Variants in MALRD1 observed in about 807,000 individuals in gnomAD.
The protein encoded by MALRD1 is MAM and LDL receptor class A domain containing 1, also known as MAM and LDL-receptor class A domain-containing protein 1.
MALRD1 carries 247 observed loss-of-function variants against 242.1 expected under a neutral mutation model. The ratio of observed to expected loss-of-function variants is 1.02; its 90% CI spans 0.92 to 1.13. The LOEUF is 1.13. MALRD1 is among the 50% of genes most tolerant of loss of function. The probability of loss-of-function intolerance (pLI) is 0.00; values close to 1 mark genes in which losing one functional copy is unlikely to be tolerated. For synonymous variants in MALRD1, 995 were observed against 866.6 expected (o/e 1.15, Z -2.60); for missense variants, 2,989 against 2,533.1 (o/e 1.18, Z -3.86).
intron 38 of MALRD1, among the ~76,000 whole-genome samples, chr10:19,717,384 C>T (rs1475006166): frequency 1.3e-5 from 2 of 152,140 alleles, no homozygotes; most frequent in African/African-American, 2.4e-5. Context: ...ACTGACTTTA[C>T]TGGCAGCAGA....
chr10:19,398,346 C>A (rs1475327958), intron 28 of MALRD1, among the ~76,000 whole-genome samples: 2 of 151,754 alleles, frequency 1.3e-5, no homozygotes, highest in African/African-American at 4.8e-5. Flanking sequence ...AAATTAATAC[C>A]AATTATTAAA....
At chr10:19,543,366 C>A (rs1292672316) in intron 32 of MALRD1, among the ~76,000 whole-genome samples, 2 of 151,050 alleles carry the variant, frequency 1.3e-5, no homozygotes, top group African/African-American at 4.9e-5. Flanking sequence ...CAGGCTCAAG[C>A]AATTCTCTGG....
At chr10:19,491,455 A>C in intron 29 of MALRD1, 62 bp from the exon 30 acceptor site, 1 of 1,516,740 alleles carries the variant, frequency 6.6e-7, no homozygotes, top group South Asian at 1.2e-5. Flanking sequence ...ACCTAACAGG[A>C]ATCTTCAAGT....
At chr10:19,070,719 T>A (rs1835118355) in intron 2 of MALRD1, among the ~76,000 whole-genome samples, 1 of 152,074 alleles carries the variant, frequency 6.6e-6, no homozygotes, top group Admixed American at 6.6e-5. Context: ...CGTATAATTT[T>A]GAATTTTATC....
chr10:19,384,882 G>A (rs1276145814), intron 26 of MALRD1, among the ~76,000 whole-genome samples: 3 of 150,980 alleles, frequency 2.0e-5, no homozygotes, highest in South Asian at 2.1e-4. Flanking sequence ...TTACTGTTGA[G>A]TGTGATGTTT....
chr10:19,510,884 C>T (rs1302668952), intron 31 of MALRD1, among the ~76,000 whole-genome samples: 1 of 152,186 alleles, frequency 6.6e-6, no homozygotes, highest in Non-Finnish European at 1.5e-5. Context: ...TGAATTCTTG[C>T]AGATTAGTTT....
intron 28 of MALRD1, among the ~76,000 whole-genome samples, chr10:19,399,849 T>A (rs1206631064): frequency 6.6e-6 from 1 of 152,198 alleles, no homozygotes; most frequent in Non-Finnish European, 1.5e-5. Flanking sequence ...TGATAATCTG[T>A]TGTGACAATA....
At chr10:19,559,267 AT>A in intron 32 of MALRD1, among the ~76,000 whole-genome samples, 1 of 151,972 alleles carries the variant, frequency 6.6e-6, no homozygotes, top group South Asian at 2.1e-4. Context: ...TTCTTTTGTC[AT>A]TTTCAATATT....
At chr10:19,248,722 G>A (rs999945336) in intron 18 of MALRD1, among the ~76,000 whole-genome samples, 1 of 151,372 alleles carries the variant, frequency 6.6e-6, no homozygotes. Context: ...ATGGGCCTAT[G>A]GATGAGTTAT....
intron 26 of MALRD1, among the ~76,000 whole-genome samples, chr10:19,362,786 A>C (rs1340514725): frequency 6.6e-6 from 1 of 152,160 alleles, no homozygotes; most frequent in African/African-American, 2.4e-5. Context: ...ATTTCAGAAT[A>C]ACCAGGTAAG....
upstream of MALRD1, among the ~76,000 whole-genome samples, chr10:19,047,122 CT>C (rs1801758040): frequency 6.6e-6 from 1 of 152,074 alleles, no homozygotes; most frequent in Non-Finnish European, 1.5e-5. Flanking sequence ...CAGAAACATG[CT>C]GAGATGAGAA....
At chr10:19,366,270 G>C (rs2130725902) in intron 26 of MALRD1, among the ~76,000 whole-genome samples, 1 of 151,570 alleles carries the variant, frequency 6.6e-6, no homozygotes, top group African/African-American at 2.4e-5. Flanking sequence ...AGATCATCAG[G>C]CATTAGGTTC....
At chr10:19,661,789 A>T (rs190610407) in intron 36 of MALRD1, among the ~76,000 whole-genome samples, 240 of 152,234 alleles carry the variant, frequency 1.6e-3, no homozygotes, top group Admixed American at 9.5e-3. Context: ...TATAATTTTA[A>T]AAAAAAAGAA....
Position 19,389,479 on chromosome 10 carries a change from C to T in MALRD1, c.4715C>T (p.Ala1572Val), listed in dbSNP as rs1846241682. The change falls in exon 28 of 40, where the codon GCA becomes GTA. Residue 1572 changes from alanine (A) to valine (V), a missense_variant. Ala to Val is a moderately conservative substitution (Grantham distance 64). Transcript: ENST00000454679. ...CACTTCATGTATCTGGAAGCTACTG[C>T]AGTGGGCCTTCGGGGTGACAAAGCA... ...NGHFMYLEATAVGLRGDKAHF... is the reference protein window; with the variant it reads ...NGHFMYLEATVVGLRGDKAHF... 1.3e-6 allele frequency: 2 copies of T among 1,550,424 alleles called. No individual in the cohort carries two copies. Among genetic ancestry groups the T allele is most frequent in the African/African-American group, 1.4e-5 (1 of 73,026 alleles).
chr10:19,538,247 A>G (rs1038890678), intron 32 of MALRD1, among the ~76,000 whole-genome samples: 8 of 152,208 alleles, frequency 5.3e-5, no homozygotes, highest in African/African-American at 1.9e-4. Context: ...AATTAGGAAG[A>G]CTTCAATATC....
At chr10:19,532,844 AT>A (rs1410223025) in intron 32 of MALRD1, among the ~76,000 whole-genome samples, 1 of 152,192 alleles carries the variant, frequency 6.6e-6, no homozygotes, top group East Asian at 1.9e-4. Context: ...GCATGTAAAA[AT>A]TTTAAATTAT....
intron 34 of MALRD1, chr10:19,598,206 G>T (rs1838193974): frequency 6.6e-6 from 1 of 152,158 alleles, no homozygotes; most frequent in South Asian, 2.1e-4. Flanking sequence ...TTAAGGGATG[G>T]TCAGGTGATG....
intron 1 of MALRD1, among the ~76,000 whole-genome samples, chr10:19,061,768 C>T (rs1336102006): frequency 6.6e-6 from 1 of 152,120 alleles, no homozygotes; most frequent in East Asian, 1.9e-4. Context: ...TTACCTTATA[C>T]CATATACAAC....
At chr10:19,678,165 T>G (rs1015646936) in intron 36 of MALRD1, among the ~76,000 whole-genome samples, 8 of 152,196 alleles carry the variant, frequency 5.3e-5, no homozygotes, top group Admixed American at 3.9e-4. Context: ...CTTTTTTGTT[T>G]CCATATGAAT....
Sources: allele counts gnomAD v4.1 joint callset (sites outside exome capture counted in the v4.1 genomes callset), GRCh38; gene constraint gnomAD v4.1.1; transcripts MANE v1.5; gene names NCBI Gene and HGNC (gene_info 2026-07-23, HGNC 2026-07-21).